The following RNF11 variants were observed in gnomAD, a reference collection of about 807,000 sequenced individuals.
RNF11 encodes the protein ring finger protein 11.
Under a neutral mutation model 15.8 loss-of-function variants are expected in RNF11, and 4 were observed. The observed-to-expected ratio is 0.25, with a 90% CI of 0.12 to 0.58. RNF11 has a LOEUF of 0.58. RNF11 is among the 20% of genes least tolerant of loss of function. The pLI is 0.91. For synonymous variants in RNF11, 68 were observed against 72.3 expected, an observed-to-expected ratio of 0.94 and a Z score of 0.30; for missense variants, 139 against 194.4, an observed-to-expected ratio of 0.71 and a Z score of 1.70.
chr1:51,263,743 G>GT (rs1646941021), intron 1 of RNF11, among the ~76,000 whole-genome samples: 1 of 152,180 alleles, frequency 6.6e-6, no homozygotes, highest in African/African-American at 2.4e-5. Context: ...GGGCCGGGGA[G>GT]TTTGGGGGAG....
Position 51,270,135 on chromosome 1 carries a change from A to G in RNF11, c.293+10A>G, listed in dbSNP as rs368825086. 6.3e-7 allele frequency: 1 copy of G among 1,584,452 alleles called. No individual in the cohort carries two copies. Among genetic ancestry groups the G allele is most frequent in the Non-Finnish European group, 8.5e-7 (1 of 1,169,820 alleles). On this transcript the variant is annotated intron_variant, in intron 2 of 2. Transcript: ENST00000242719. Reference sequence around the variant, plus strand: ...AAAAAAAGATCCGGGAGTAAGTTTTAATTAATTTGTACATTTCAAAGTTTT... The same window carrying G: ...AAAAAAAGATCCGGGAGTAAGTTTTGATTAATTTGTACATTTCAAAGTTTT...
chr1:51,264,747 T>G (rs1646947460), intron 1 of RNF11, among the ~76,000 whole-genome samples: 1 of 152,162 alleles, frequency 6.6e-6, no homozygotes, highest in African/African-American at 2.4e-5. Context: ...CTCAGCACAT[T>G]ATTTAGGCAC....
At position 51,270,142 on chromosome 1, in the gene RNF11, T is replaced by G. The variant is rs776776617; in HGVS notation, c.293+17T>G. ...GATCCGGGAGTAAGTTTTAATTAAT[T>G]TGTACATTTCAAAGTTTTATTTTCA... On this transcript the variant is annotated intron_variant, in intron 2 of 2. Transcript: ENST00000242719. The G allele has an allele frequency of 6.3e-7, 1 of 1,576,086 alleles. No homozygotes were observed. The highest frequency in any genetic ancestry group is 1.4e-5 in the African/African-American group (1 of 72,782).
At chr1:51,267,770 G>T (rs926024792) in intron 1 of RNF11, among the ~76,000 whole-genome samples, 1 of 152,216 alleles carries the variant, frequency 6.6e-6, no homozygotes, top group African/African-American at 2.4e-5. Flanking sequence ...TCTCTCTGTT[G>T]CCCAGGCTAG....
chr1:51,236,484 T>C lies in RNF11; in HGVS notation c.-273T>C, dbSNP rs1569644016. The C allele has an allele frequency of 5.7e-6, 1 of 176,266 alleles. No individual in the cohort carries two copies. Among genetic ancestry groups the C allele is most frequent in the South Asian group, 6.1e-5 (1 of 16,480 alleles). 10.9% of individuals were successfully genotyped at this position (176,266 alleles called of 1,614,324 possible). ...CCCGCGGGGGGGCGGGGTGGGGAAG[T>C]GCTTCGTCTCCCCGCCCCCCCCCCC... On this transcript the variant is annotated 5_prime_UTR_variant, in exon 1 of 3. Transcript: ENST00000242719.
intron 1 of RNF11, among the ~76,000 whole-genome samples, chr1:51,267,170 T>G (rs1345550828): frequency 6.6e-6 from 1 of 152,156 alleles, no homozygotes; most frequent in Non-Finnish European, 1.5e-5. Context: ...GCCTAGAAGT[T>G]GGAGGTTGCA....
At chr1:51,259,105 A>C (rs1177646289) in intron 1 of RNF11, among the ~76,000 whole-genome samples, 1 of 152,206 alleles carries the variant, frequency 6.6e-6, no homozygotes, top group African/African-American at 2.4e-5. Flanking sequence ...AACCAGGATG[A>C]ATTTGCTCTC....
intron 1 of RNF11, chr1:51,250,563 CG>C (rs1646872636): frequency 1.8e-6 from 1 of 550,916 alleles, no homozygotes; most frequent in Admixed American, 3.3e-5. Flanking sequence ...TTTTTTTTTA[CG>C]CTTAATTCGC....
chr1:51,263,985 T>G (rs1389199819), intron 1 of RNF11, among the ~76,000 whole-genome samples: 1 of 151,990 alleles, frequency 6.6e-6, no homozygotes, highest in African/African-American at 2.4e-5. Flanking sequence ...TAGGCTTGGC[T>G]GCTCACTCCT....
intron 1 of RNF11, among the ~76,000 whole-genome samples, chr1:51,238,272 C>G (rs924638216): frequency 2.0e-5 from 3 of 152,146 alleles, no homozygotes; most frequent in Non-Finnish European, 4.4e-5. Flanking sequence ...CCACTGAAAC[C>G]TCTACACTTC....
chr1:51,254,732 G>C (rs1324713821), intron 1 of RNF11, among the ~76,000 whole-genome samples: 2 of 152,122 alleles, frequency 1.3e-5, no homozygotes, highest in African/African-American at 4.8e-5. Flanking sequence ...CAAAATGCTG[G>C]GATTACAGGT....
rs367715453 is a variant in RNF11 at position 51,246,095 on chromosome 1, GTC to G, written c.123+9220_123+9221del. 2.0e-4 allele frequency among the ~76,000 whole-genome samples: 30 copies of G among 152,086 alleles called. No homozygotes were observed. In the East Asian group the frequency reaches 4.9e-3, roughly 25 times the overall value. On this transcript the variant is annotated intron_variant, in intron 1 of 2. Coordinates refer to ENST00000242719, the MANE Select transcript of RNF11 (RefSeq NM_014372.5). ...AGCCTGACCAACATAGAGAAACCCCGTCTCTACTAAAAATGCAAAAATAGCCG... is the reference window on the plus strand; with the variant it reads ...AGCCTGACCAACATAGAGAAACCCCGTCTACTAAAAATGCAAAAATAGCCG...
At chr1:51,264,846 C>G (rs892662477) in intron 1 of RNF11, 1 of 152,152 alleles carries the variant, frequency 6.6e-6, no homozygotes, top group Non-Finnish European at 1.5e-5. Context: ...CAGACAGACA[C>G]GTTTTACATT....
In RNF11 at chr1:51,271,858, CT is replaced by C. The variant is rs927196240; in HGVS notation, c.*541del. The C allele has an allele frequency of 2.0e-5, 3 of 152,968 alleles. No homozygotes were observed. The highest frequency in any genetic ancestry group is 7.2e-5 in the African/African-American group (3 of 41,516). 9.5% of individuals were successfully genotyped at this position (152,968 alleles called of 1,614,324 possible). On this transcript the variant is annotated 3_prime_UTR_variant, in exon 3 of 3. Coordinates refer to ENST00000242719, the MANE Select transcript of RNF11 (RefSeq NM_014372.5). ...GGAAATGGAATTCATTGCCTTAGGTCTTTTTAAATAGTGTATTATTATCGTT... is the reference window on the plus strand; with the variant it reads ...GGAAATGGAATTCATTGCCTTAGGTCTTTTAAATAGTGTATTATTATCGTT...
intron 1 of RNF11, among the ~76,000 whole-genome samples, chr1:51,237,444 A>G (rs185332845): frequency 0.034 from 4,278 of 126,450 alleles, 184 homozygotes; most frequent in Admixed American, 0.12. Flanking sequence ...ATATATGTGT[A>G]TATATATATA....
At chr1:51,241,096 C>T (rs536570070) in intron 1 of RNF11, among the ~76,000 whole-genome samples, 51 of 152,242 alleles carry the variant, frequency 3.3e-4, no homozygotes, top group Non-Finnish European at 5.9e-4. Flanking sequence ...GGATTACAGG[C>T]GTAAGCCCCT....
At chr1:51,245,326 T>A (rs568197973) in intron 1 of RNF11, among the ~76,000 whole-genome samples, 7 of 152,292 alleles carry the variant, frequency 4.6e-5, no homozygotes, top group Middle Eastern at 6.8e-3. Flanking sequence ...CTATTTTTTG[T>A]ATTTTTAGTA....
In RNF11 at chr1:51,272,239, G is replaced by C. The variant is rs563106928; in HGVS notation, c.*917G>C. 1 of 152,708 alleles carries C rather than the reference G, an allele frequency of 6.5e-6. No individual in the cohort carries two copies. Among genetic ancestry groups the C allele is most frequent in the East Asian group, 1.9e-4 (1 of 5,180 alleles). 9.5% of individuals were successfully genotyped at this position (152,708 alleles called of 1,614,324 possible). On this transcript the variant is annotated 3_prime_UTR_variant, in exon 3 of 3. Transcript: ENST00000242719. The stretch of plus-strand genomic sequence containing the variant: ...GTGGCACCGTGGTGAGACCTAATGA[G>C]AAATAGTTACTCAGTTGTAAAAATT...
intron 1 of RNF11, among the ~76,000 whole-genome samples, chr1:51,264,414 A>C (rs1324084036): frequency 1.3e-5 from 2 of 149,500 alleles, no homozygotes; most frequent in African/African-American, 4.9e-5. Context: ...CATCAGTGCT[A>C]ATCTGGGGGT....
Sources: allele counts gnomAD v4.1 joint callset (sites outside exome capture counted in the v4.1 genomes callset), GRCh38; gene constraint gnomAD v4.1.1; transcripts MANE v1.5; gene names NCBI Gene and HGNC (gene_info 2026-07-23, HGNC 2026-07-21).